Variants in KIFC2 observed in about 807,000 individuals in gnomAD.
KIFC2 encodes kinesin-like protein KIFC2.
In KIFC2, 94 loss-of-function variants were observed where a neutral mutation model predicts 91.5. That is an observed-to-expected ratio of 1.03 (90% confidence interval 0.87 to 1.22). The LOEUF (loss-of-function observed/expected upper bound fraction) is 1.22, where lower values mean the gene tolerates loss of function less well. KIFC2 is among the 50% of genes most tolerant of loss of function. The pLI is 0.00. For synonymous variants in KIFC2, 729 were observed against 503.9 expected (o/e 1.45, Z -5.98); for missense variants, 1,357 against 1,103.3 (o/e 1.23, Z -3.26).
intron 12 of KIFC2, chr8:144,470,782 A>C (rs1824894131): frequency 6.6e-6 from 1 of 152,248 alleles, no homozygotes. Context: ...TCCTGGGGTC[A>C]CGCCTTGTGA....
In KIFC2 at chr8:144,472,716, C is replaced by T. The variant is rs900532350; in HGVS notation, c.1861+10C>T. 2 of 1,593,110 alleles carry T rather than the reference C, an allele frequency of 1.3e-6. No individual in the cohort carries two copies. The highest frequency in any genetic ancestry group is 1.7e-6 in the Non-Finnish European group (2 of 1,177,230). On this transcript the variant is annotated intron_variant, in intron 16 of 17. Coordinates refer to ENST00000645548, the MANE Select transcript of KIFC2 (RefSeq NM_001369769.2). ...GCTCCAGGCACCGCAGGTACCACGG[C>T]CGGTGCCTGAGCCCTGCGGAGTCTC...
Position 144,468,846 on chromosome 8 carries a change from TC to T in KIFC2, c.1113+16del. 1 of 1,602,468 alleles carries T rather than the reference TC, an allele frequency of 6.2e-7. No homozygotes were observed. On this transcript the variant is annotated intron_variant, in intron 10 of 17. Coordinates refer to ENST00000645548, the MANE Select transcript of KIFC2 (RefSeq NM_001369769.2). ...AGGCCCGGGGCCAGGTCAGGACCCC[TC>T]CCCGCCTAGCCCCTCCTCTCTGGGC...
In KIFC2 at chr8:144,473,065, C is replaced by CG. The variant is rs1825000668; in HGVS notation, c.2118+18dup. 2 of 1,437,250 alleles carry CG rather than the reference C, an allele frequency of 1.4e-6. No individual in the cohort carries two copies. The highest frequency in any genetic ancestry group is 1.8e-6 in the Non-Finnish European group (2 of 1,100,772). 89.0% of individuals were successfully genotyped at this position (1,437,250 alleles called of 1,614,324 possible). On this transcript the variant is annotated intron_variant, in intron 17 of 17. Transcript: ENST00000645548. Reference sequence around the variant, plus strand: ...CTGCTGCTGCAGGTGGGCGCCGGGGCGGGGCAGGTGTGTGCGTGCCGGTCG... The same window carrying CG: ...CTGCTGCTGCAGGTGGGCGCCGGGGCGGGGGCAGGTGTGTGCGTGCCGGTCG...
chr8:144,468,496 C>T (rs772190988), intron 8 of KIFC2, 40 bp from the exon 9 acceptor site: 14 of 1,252,914 alleles, frequency 1.1e-5, no homozygotes, highest in Admixed American at 2.3e-5. Context: ...CTGGTAAGTG[C>T]CTGTTTCCTC....
rs763665067 is a variant in KIFC2, at chr8:144,469,563, G to A, written c.1296G>A (p.Gly432=). The A allele has an allele frequency of 9.9e-6, 16 of 1,613,562 alleles. No individual in the cohort carries two copies. Among genetic ancestry groups the A allele is most frequent in the Non-Finnish European group, 1.4e-5 (16 of 1,179,974 alleles). Reference sequence around the variant, plus strand: ...TTGTGAGTGTGGAGCCTGGCCCAGGGGGCACCGTCACCACCTGCTACCGGG... The same window carrying A: ...TTGTGAGTGTGGAGCCTGGCCCAGGAGGCACCGTCACCACCTGCTACCGGG... The part of the protein sequence containing the change: ...SSLVSVEPGP[G]GTVTTCYRGR... Residue 432 remains glycine, a synonymous_variant, in exon 12 of 18, where the codon GGG becomes GGA. Coordinates refer to ENST00000645548, the MANE Select transcript of KIFC2 (RefSeq NM_001369769.2).
Position 144,468,362 on chromosome 8 carries a change from C to A in KIFC2, c.844C>A (p.Arg282=), listed in dbSNP as rs530701509. The change falls in exon 8 of 18, where the codon CGG becomes AGG. Residue 282 remains arginine (R), a synonymous_variant. Transcript: ENST00000645548. ...AGAGGCATTGCTAGAGCTCCAGGGC[C>A]GGCTTCAGGAGGCCCAAGACACCAC... The part of the protein sequence containing the change: ...EAEALLELQG[R]LQEAQDTTEA... 2 of 1,612,730 alleles carry A rather than the reference C, an allele frequency of 1.2e-6. No homozygotes were observed. Among genetic ancestry groups the A allele is most frequent in the South Asian group, 2.2e-5 (2 of 90,924 alleles).
In KIFC2 at chr8:144,466,836, C is replaced by T. The variant is rs775158809; in HGVS notation, c.176C>T (p.Ala59Val). Residue 59 changes from alanine (A) to valine (V), a missense_variant and splice_region_variant, in exon 2 of 18, where the codon GCC becomes GTC. Ala to Val is a moderately conservative substitution (Grantham distance 64, BLOSUM62 0). Coordinates refer to ENST00000645548, the MANE Select transcript of KIFC2 (RefSeq NM_001369769.2). ...CTGTGGACCGAGCTGACCGGCCTGG[C>T]CGGTAGGTGCGGGCTGGGAGTCCCG... ...PELWTELTGL[A>V]ASSEPEDGSE... 1.6e-5 allele frequency: 24 copies of T among 1,536,668 alleles called. No homozygotes were observed. The South Asian group carries it at 2.7e-4, about 17-fold the overall frequency.
At chr8:144,469,767 C>T (rs758636368) in intron 12 of KIFC2, 120 bp downstream of exon 12, 22 of 1,286,702 alleles carry the variant, frequency 1.7e-5, no homozygotes, top group Non-Finnish European at 2.2e-5. Flanking sequence ...GGTGGCTGGG[C>T]TCTAGCCAGG....
In KIFC2 at chr8:144,466,404, G is replaced by C; in HGVS notation, c.-16G>C. 8.3e-7 allele frequency: 1 copy of C among 1,210,286 alleles called. No individual in the cohort carries two copies. Among genetic ancestry groups the C allele is most frequent in the Non-Finnish European group, 1.1e-6 (1 of 936,740 alleles). 75.0% of individuals were successfully genotyped at this position (1,210,286 alleles called of 1,614,324 possible). A position where few individuals can be genotyped will look rare whatever the true frequency, so the allele number is the denominator to read the frequency against. On this transcript the variant is annotated 5_prime_UTR_variant, in exon 1 of 18. Transcript: ENST00000645548. ...GGGGCGGCGCGAAGCGGGGCCCTCT[G>C]CCGCCCCGCGCTCCCATGTACGCCT... is the stretch of plus-strand genomic sequence containing the variant.
Position 144,467,565 on chromosome 8 carries a change from C to T in KIFC2, c.550C>T (p.Gln184Ter). The T allele has an allele frequency of 6.2e-7, 1 of 1,605,194 alleles. No homozygotes were observed. Among genetic ancestry groups the T allele is most frequent in the South Asian group, 1.1e-5 (1 of 89,926 alleles). Residue 184 changes from glutamine to a stop codon, truncating the protein, a stop_gained, in exon 5 of 18, where the codon CAG becomes TAG. Coordinates refer to ENST00000645548, the MANE Select transcript of KIFC2 (RefSeq NM_001369769.2). LOFTEE classifies it high-confidence loss of function. The part of the protein sequence containing the change: ...EPLGDETQGQ[Q>*]PLQLEEDQRA... ...ACTGGGGGATGAGACCCAGGGACAGCAGCCCCTCCAGTTGGAGGAGGATCA... is the reference window on the plus strand; with the variant it reads ...ACTGGGGGATGAGACCCAGGGACAGTAGCCCCTCCAGTTGGAGGAGGATCA...
intron 7 of KIFC2, 21 bp downstream of exon 7, chr8:144,468,008 A>T: frequency 6.6e-7 from 1 of 1,520,572 alleles, no homozygotes; most frequent in Non-Finnish European, 8.8e-7. Flanking sequence ...CCCGAGCTGC[A>T]GCCGTTCCTG....
intron 4 of KIFC2, 42 bp from the exon 5 acceptor site, chr8:144,467,443 C>G (rs376879771): frequency 1.4e-5 from 21 of 1,541,490 alleles, no homozygotes; most frequent in Admixed American, 6.2e-5. Context: ...AAGATTTGGA[C>G]TAGAGACCTC....
rs757298068 is a variant in KIFC2, at chr8:144,467,791, G to A, written c.681+12G>A. 10 of 1,613,584 alleles carry A rather than the reference G, an allele frequency of 6.2e-6. No individual in the cohort carries two copies. The highest frequency in any genetic ancestry group is 2.2e-5 in the East Asian group (1 of 44,908). On this transcript the variant is annotated intron_variant, in intron 6 of 17. Coordinates refer to ENST00000645548, the MANE Select transcript of KIFC2 (RefSeq NM_001369769.2). ...TGCGCCTGGGCGTGGTGAGGCTGCA[G>A]GGAGACCTGGCAGGGCCGGGCATGG...
Position 144,473,387 on chromosome 8 carries a change from TA to T in KIFC2, c.2375del (p.Ter792CysfsTer21). Reference sequence around the variant, plus strand: ...CGCGCCCGCAGAGGGCCTGCCCCTCTAGTCCTGGGTCGCGGCCCTGCCCATG... The same window carrying T: ...CGCGCCCGCAGAGGGCCTGCCCCTCTGTCCTGGGTCGCGGCCCTGCCCATG... ...ALAPAEGLPL[*>X] On this transcript the variant is annotated frameshift_variant and stop_lost, in exon 18 of 18. Coordinates refer to ENST00000645548, the MANE Select transcript of KIFC2 (RefSeq NM_001369769.2). LOFTEE classifies it high-confidence loss of function. The T allele has an allele frequency of 6.3e-7, 1 of 1,576,904 alleles. No individual in the cohort carries two copies. Among genetic ancestry groups the T allele is most frequent in the South Asian group, 1.2e-5 (1 of 86,738 alleles).
In KIFC2 at chr8:144,467,334, T is replaced by A; in HGVS notation, c.462T>A (p.Ser154=). ...TQPAPRVRPP[S]PDGSTSQEES... is the part of the protein sequence containing the mutation. ...CAGCCCCTCGGGTCCGGCCCCCCTC[T>A]CCAGATGGTGAGTAAAGGACAGTAA... The change falls in exon 4 of 18, where the codon TCT becomes TCA. Residue 154 remains serine, a synonymous_variant. Transcript: ENST00000645548. 4 of 1,606,008 alleles carry A rather than the reference T, an allele frequency of 2.5e-6. No individual in the cohort carries two copies. The highest frequency in any genetic ancestry group is 3.4e-6 in the Non-Finnish European group (4 of 1,176,686).
chr8:144,470,857 G>A (rs1824896893), intron 12 of KIFC2, among the ~76,000 whole-genome samples: 1 of 152,374 alleles, frequency 6.6e-6, no homozygotes, highest in East Asian at 1.9e-4. Context: ...AGGTGCCACT[G>A]CAGCCCTTAT....
rs766146874 is a variant in KIFC2 at position 144,467,785 on chromosome 8, G to T, written c.681+6G>T. 6.2e-7 allele frequency: 1 copy of T among 1,613,714 alleles called. No individual in the cohort carries two copies. The highest frequency in any genetic ancestry group is 8.5e-7 in the Non-Finnish European group (1 of 1,179,980). On this transcript the variant is annotated splice_donor_region_variant and intron_variant, in intron 6 of 17. Coordinates refer to ENST00000645548, the MANE Select transcript of KIFC2 (RefSeq NM_001369769.2). ...GTCGACTGCGCCTGGGCGTGGTGAG[G>T]CTGCAGGGAGACCTGGCAGGGCCGG...
intron 1 of KIFC2, 97 bp from the exon 2 acceptor site, chr8:144,466,663 T>C (rs1824653093): frequency 9.1e-7 from 1 of 1,102,276 alleles, no homozygotes; most frequent in Non-Finnish European, 1.2e-6. Context: ...GCTGGAAGCG[T>C]AGACTTCGGC....
At chr8:144,468,016 C>T (rs771975490) in intron 7 of KIFC2, 29 bp downstream of exon 7, 2 of 1,511,428 alleles carry the variant, frequency 1.3e-6, no homozygotes, top group East Asian at 2.4e-5. Context: ...GCAGCCGTTC[C>T]TGCAGCCTGG....
Sources: allele counts gnomAD v4.1 joint callset (sites outside exome capture counted in the v4.1 genomes callset), GRCh38; gene constraint gnomAD v4.1.1; transcripts MANE v1.5; gene names NCBI Gene and HGNC (gene_info 2026-07-23, HGNC 2026-07-21).